The following CHST11 variants were observed in gnomAD, a reference collection of about 807,000 sequenced individuals.
CHST11 encodes the protein C4S-1.
A neutral mutation model predicts 30.4 loss-of-function variants in CHST11; 9 were observed. The observed-to-expected ratio is 0.30, with a 90% CI of 0.18 to 0.52. The LOEUF is 0.52. Among genes scored for constraint, CHST11 ranks in the 20% least tolerant of loss-of-function variants. The probability of loss-of-function intolerance (pLI) is 0.97; values close to 1 mark genes in which losing one functional copy is unlikely to be tolerated. For missense variants in CHST11, 348 were observed against 460.6 expected (o/e 0.76, Z 2.24); for synonymous variants, 152 against 187.8 (o/e 0.81, Z 1.56).
chr12:104,535,766 A>G (rs896687722), intron 1 of CHST11, among the ~76,000 whole-genome samples: 1 of 152,210 alleles, frequency 6.6e-6, no homozygotes, highest in Non-Finnish European at 1.5e-5. Flanking sequence ...CCAGGGCATT[A>G]TTTCCTAAAC....
chr12:104,684,675 G>C (rs759384672), intron 2 of CHST11, among the ~76,000 whole-genome samples: 1 of 152,090 alleles, frequency 6.6e-6, no homozygotes, highest in Non-Finnish European at 1.5e-5. Context: ...AGCTTCACAA[G>C]TAGCTGGGAT....
intron 2 of CHST11, among the ~76,000 whole-genome samples, chr12:104,681,398 A>G (rs1251259572): frequency 6.6e-6 from 1 of 152,238 alleles, no homozygotes; most frequent in African/African-American, 2.4e-5. Flanking sequence ...AAATCTATAG[A>G]GACAGAAACT....
At chr12:104,648,272 T>C (rs2039455131) in intron 2 of CHST11, among the ~76,000 whole-genome samples, 1 of 152,170 alleles carries the variant, frequency 6.6e-6, no homozygotes, top group African/African-American at 2.4e-5. Context: ...AGGTACCTGA[T>C]GTGGAACAAG....
rs1309881793 is a variant in CHST11, at chr12:104,458,414, C to T, written c.118+885C>T. Reference sequence around the variant, plus strand: ...CCCATTCCTCCGGTCCCTTGTGGCTCAGGCAAAGTTCCACGTCCGAAATCT... The same window carrying T: ...CCCATTCCTCCGGTCCCTTGTGGCTTAGGCAAAGTTCCACGTCCGAAATCT... On this transcript the variant is annotated intron_variant, in intron 1 of 2. Transcript: ENST00000303694. The surrounding 1 kb of genome is among the most constrained non-coding windows in gnomAD (Gnocchi z 5.7). 1.3e-5 allele frequency among the ~76,000 whole-genome samples: 2 copies of T among 152,242 alleles called. No individual in the cohort carries two copies. Among genetic ancestry groups the T allele is most frequent in the Non-Finnish European group, 2.9e-5 (2 of 68,042 alleles).
At chr12:104,739,761 G>A (rs961793389) in intron 2 of CHST11, among the ~76,000 whole-genome samples, 4 of 152,232 alleles carry the variant, frequency 2.6e-5, no homozygotes, top group Admixed American at 6.5e-5. Flanking sequence ...AAGAGCCAGT[G>A]AGGTTTGTGC....
intron 1 of CHST11, among the ~76,000 whole-genome samples, chr12:104,482,372 C>T (rs974119813): frequency 6.6e-6 from 1 of 151,552 alleles, no homozygotes; most frequent in African/African-American, 2.4e-5. Flanking sequence ...GAAAGGAGGC[C>T]ATGTCAAATG....
rs115758472 is a variant in CHST11, at chr12:104,617,364, G to A, written c.204+15373G>A. Among the ~76,000 whole-genome samples the A allele has an allele frequency of 4.6e-3, 697 of 152,216 alleles. 5 individuals are homozygous for A. The highest frequency in any genetic ancestry group is 0.016 in the African/African-American group (679 of 41,512). On this transcript the variant is annotated intron_variant, in intron 2 of 2. Coordinates refer to ENST00000303694, the MANE Select transcript of CHST11 (RefSeq NM_018413.6). ...GAGGCAACCTAGGCTCTCCATGCCCGCCTCTCACCTTCACTCCAGCATTTT... is the reference window on the plus strand; with the variant it reads ...GAGGCAACCTAGGCTCTCCATGCCCACCTCTCACCTTCACTCCAGCATTTT...
chr12:104,466,910 G>A (rs926250927), intron 1 of CHST11, among the ~76,000 whole-genome samples: 1 of 152,036 alleles, frequency 6.6e-6, no homozygotes, highest in Non-Finnish European at 1.5e-5. Context: ...TCATCCTTTT[G>A]ACCTTGTAAT....
intron 1 of CHST11, among the ~76,000 whole-genome samples, chr12:104,478,919 C>G (rs990114669): frequency 6.6e-6 from 1 of 151,996 alleles, no homozygotes; most frequent in African/African-American, 2.4e-5. Flanking sequence ...GAACTGGTGC[C>G]TTCATTCTAG....
rs191987825 is a variant in CHST11 at position 104,709,264 on chromosome 12, G to T, written c.205-47685G>T. On this transcript the variant is annotated intron_variant, in intron 2 of 2. Transcript: ENST00000303694. ...ACCCACAGCCTCGCCCCCACACCCA[G>T]GGTTCGCTCCAGGGCCTTCTCTCTC... Among the ~76,000 whole-genome samples, 446 of 152,316 alleles carry T rather than the reference G, an allele frequency of 2.9e-3. 2 individuals carry two copies. The highest frequency in any genetic ancestry group is 1.0e-2 in the African/African-American group (414 of 41,564).
chr12:104,578,387 G>A (rs1393712851), intron 1 of CHST11, among the ~76,000 whole-genome samples: 2 of 152,170 alleles, frequency 1.3e-5, no homozygotes, highest in Non-Finnish European at 2.9e-5. Flanking sequence ...TATAGATTTG[G>A]TGACTTCTCC....
intron 2 of CHST11, among the ~76,000 whole-genome samples, chr12:104,701,538 TAC>T (rs1357511230): frequency 6.6e-6 from 1 of 151,546 alleles, no homozygotes; most frequent in Admixed American, 6.6e-5. Flanking sequence ...TGCCTGGGAG[TAC>T]AGAGCTCCCT....
intron 1 of CHST11, among the ~76,000 whole-genome samples, chr12:104,522,505 G>A (rs1387065953): frequency 6.6e-6 from 1 of 152,162 alleles, no homozygotes; most frequent in African/African-American, 2.4e-5. Context: ...TTGATCATCA[G>A]AATTACCTGG....
intron 2 of CHST11, among the ~76,000 whole-genome samples, chr12:104,690,914 C>T (rs1327636457): frequency 6.6e-6 from 1 of 152,210 alleles, no homozygotes. Context: ...AGGATTTTCA[C>T]AAGTGCAGCT....
chr12:104,665,888 C>G (rs545736854), intron 2 of CHST11, among the ~76,000 whole-genome samples: 1 of 138,576 alleles, frequency 7.2e-6, no homozygotes, highest in Non-Finnish European at 1.5e-5. Context: ...GGCGCGATCT[C>G]GGCTCACTGC....
intron 1 of CHST11, among the ~76,000 whole-genome samples, chr12:104,560,057 T>C (rs2038498452): frequency 6.6e-6 from 1 of 152,060 alleles, no homozygotes; most frequent in East Asian, 1.9e-4. Context: ...AGAGTGTTTG[T>C]GGCAGAGGGA....
At chr12:104,642,274 A>G (rs560482726) in intron 2 of CHST11, among the ~76,000 whole-genome samples, 14 of 152,320 alleles carry the variant, frequency 9.2e-5, no homozygotes, top group African/African-American at 3.4e-4. Context: ...TATGATCTCT[A>G]ATATGAAAAA....
chr12:104,723,420 C>G (rs1300743518), intron 2 of CHST11, among the ~76,000 whole-genome samples: 1 of 152,234 alleles, frequency 6.6e-6, no homozygotes, highest in East Asian at 1.9e-4. Flanking sequence ...CCACCCCTAA[C>G]CCTGAAGGCT....
At chr12:104,465,040 T>C (rs905675178) in intron 1 of CHST11, among the ~76,000 whole-genome samples, 2 of 152,224 alleles carry the variant, frequency 1.3e-5, no homozygotes, top group South Asian at 4.1e-4. Context: ...AACTGTTTCG[T>C]TTCTTAGTGT....
Sources: gnomAD v4.1 joint callset for allele counts (sites outside exome capture counted in the v4.1 genomes callset) on GRCh38, gnomAD v4.1.1 for gene constraint, Gnocchi (gnomAD v3.1) non-coding constraint, MANE v1.5 for transcripts, NCBI Gene and HGNC (gene_info 2026-07-23, HGNC 2026-07-21) for gene names.